The following RERE variants were observed in gnomAD, a reference collection of about 807,000 sequenced individuals.
RERE encodes the protein arginine-glutamic acid dipeptide repeats protein.
Under a neutral mutation model 146.1 loss-of-function variants are expected in RERE, and 40 were observed. That is an observed-to-expected ratio of 0.27 (90% CI 0.21 to 0.36). RERE has a LOEUF of 0.36. RERE is among the 10% of genes least tolerant of loss of function. The pLI is 1.00. For missense variants in RERE, 1,933 were observed against 2,138.7 expected, an observed-to-expected ratio of 0.90 and a Z score of 1.90; for synonymous variants, 1,003 against 866.0, an observed-to-expected ratio of 1.16 and a Z score of -2.78.
chr1:8,673,514 T>C (rs1018608085), intron 1 of RERE, among the ~76,000 whole-genome samples: 5 of 152,322 alleles, frequency 3.3e-5, no homozygotes, highest in South Asian at 2.1e-4. Context: ...TCATACCCCC[T>C]GACAATGCCT....
chr1:8,601,671 C>CAT (rs1553119507), intron 4 of RERE, among the ~76,000 whole-genome samples: 1 of 132,750 alleles, frequency 7.5e-6, no homozygotes, highest in Non-Finnish European at 1.6e-5. Flanking sequence ...CACACACACA[C>CAT]ATCTTCCTTC....
intron 12 of RERE, among the ~76,000 whole-genome samples, chr1:8,419,272 T>C (rs1643858153): frequency 6.6e-6 from 1 of 152,226 alleles, no homozygotes; most frequent in Admixed American, 6.5e-5. Flanking sequence ...TATAAACAGT[T>C]GGGTTTTCCG....
chr1:8,695,587 TAAAAAA>T (rs34953565), intron 1 of RERE, among the ~76,000 whole-genome samples: 3 of 36,728 alleles, frequency 8.2e-5, no homozygotes, highest in Non-Finnish European at 1.4e-4. Context: ...CCATTTCTAC[TAAAAAA>T]AAAAAAAAAA....
chr1:8,400,519 T>C (rs1643213003), intron 12 of RERE, among the ~76,000 whole-genome samples: 1 of 152,132 alleles, frequency 6.6e-6, no homozygotes, highest in Non-Finnish European at 1.5e-5. Flanking sequence ...CCCAAAGCAC[T>C]GAGATTATAG....
At chr1:8,460,592 T>A (rs1300997973) in intron 11 of RERE, among the ~76,000 whole-genome samples, 1 of 152,218 alleles carries the variant, frequency 6.6e-6, no homozygotes, top group African/African-American at 2.4e-5. Flanking sequence ...CAGAGCTTAT[T>A]TGTATCTAGA....
chr1:8,609,587 G>A (rs920197359), intron 4 of RERE, among the ~76,000 whole-genome samples: 1 of 152,064 alleles, frequency 6.6e-6, no homozygotes, highest in African/African-American at 2.4e-5. Flanking sequence ...CCAAAGCAGG[G>A]AAGCCACAGT....
intron 1 of RERE, among the ~76,000 whole-genome samples, chr1:8,770,036 C>T (rs1274802095): frequency 1.3e-5 from 2 of 152,094 alleles, no homozygotes; most frequent in African/African-American, 2.4e-5. Flanking sequence ...GTAATCCACC[C>T]GCTTCAGCCT....
chr1:8,774,947 CTTTCT>C (rs533985939), intron 1 of RERE, among the ~76,000 whole-genome samples: 25,812 of 110,706 alleles, frequency 0.23, 3,437 homozygotes, highest in East Asian at 0.68. Context: ...TTTCTTCTTT[CTTTCT>C]TTTTTTTTTT....
Position 8,353,678 on chromosome 1 carries a change from A to C in RERE, c.*1409T>G, listed in dbSNP as rs1025261225. 2.0e-5 allele frequency: 3 copies of C among 152,240 alleles called. No homozygotes were observed. Among genetic ancestry groups the C allele is most frequent in the Admixed American group, 2.0e-4 (3 of 15,288 alleles). 9.4% of individuals were successfully genotyped at this position (152,240 alleles called of 1,614,324 possible). A position where few individuals can be genotyped will look rare whatever the true frequency, so the allele number is the denominator to read the frequency against. On this transcript the variant is annotated 3_prime_UTR_variant, in exon 23 of 23. Transcript: ENST00000400908. ...CCGCTCAGAAGGGCCTGGCCTCCTG[A>C]GAAGCAGCCCCCACACAGCATGCTT... is the stretch of plus-strand genomic sequence containing the variant.
chr1:8,762,208 C>T (rs888028096), intron 1 of RERE, among the ~76,000 whole-genome samples: 9 of 152,138 alleles, frequency 5.9e-5, no homozygotes, highest in African/African-American at 2.2e-4. Flanking sequence ...TTGACCCTTA[C>T]CAATTTCAGC....
chr1:8,467,940 G>A (rs181987378), intron 10 of RERE, among the ~76,000 whole-genome samples: 39 of 152,176 alleles, frequency 2.6e-4, no homozygotes, highest in Middle Eastern at 3.4e-3. Flanking sequence ...CACCGCACCC[G>A]GCCCAAACAT....
At chr1:8,557,566 T>C (rs767306366) in intron 4 of RERE, 43 bp from the exon 5 acceptor site, 35 of 1,301,558 alleles carry the variant, frequency 2.7e-5, no homozygotes, top group Non-Finnish European at 3.3e-5. Flanking sequence ...GGATTTCAGG[T>C]GGCCACAAGT....
At chr1:8,647,477 A>C (rs1647370179) in intron 2 of RERE, among the ~76,000 whole-genome samples, 1 of 152,248 alleles carries the variant, frequency 6.6e-6, no homozygotes, top group Non-Finnish European at 1.5e-5. Flanking sequence ...TGTTACACAA[A>C]AATATTCTTG....
At chr1:8,500,443 C>G (rs961291050) in intron 8 of RERE, among the ~76,000 whole-genome samples, 7 of 152,240 alleles carry the variant, frequency 4.6e-5, no homozygotes, top group Non-Finnish European at 8.8e-5. Flanking sequence ...AGCTCCTGAC[C>G]GCGAGTGATC....
intron 11 of RERE, among the ~76,000 whole-genome samples, chr1:8,456,805 T>TGGA: frequency 6.6e-6 from 1 of 152,198 alleles, no homozygotes; most frequent in Non-Finnish European, 1.5e-5. Context: ...TCTGCAAGGC[T>TGGA]AGCTTCCTCA....
At chr1:8,373,391 G>GGGAT (rs1642117667) in intron 12 of RERE, among the ~76,000 whole-genome samples, 2 of 152,042 alleles carry the variant, frequency 1.3e-5, no homozygotes, top group Admixed American at 1.3e-4. Context: ...CCACGTAAAG[G>GGGAT]GGATGAAGAA....
chr1:8,427,539 T>C (rs1293229501), intron 11 of RERE, among the ~76,000 whole-genome samples: 1 of 146,034 alleles, frequency 6.8e-6, no homozygotes, highest in East Asian at 2.0e-4. Flanking sequence ...CTTCCAGAAA[T>C]AGGAATTTGA....
intron 8 of RERE, among the ~76,000 whole-genome samples, chr1:8,502,563 G>A (rs1352196972): frequency 1.4e-5 from 2 of 146,570 alleles, no homozygotes; most frequent in Admixed American, 6.7e-5. Flanking sequence ...CCCTCTGCCC[G>A]GCCACGACCC....
intron 1 of RERE, among the ~76,000 whole-genome samples, chr1:8,787,694 C>T (rs529105893): frequency 1.3e-5 from 2 of 151,526 alleles, no homozygotes; most frequent in South Asian, 4.2e-4. Context: ...AGCCAGGCGT[C>T]GTGGTGGGTG....
Sources: gnomAD v4.1 joint callset for allele counts (sites outside exome capture counted in the v4.1 genomes callset) on GRCh38, gnomAD v4.1.1 for gene constraint, MANE v1.5 for transcripts, NCBI Gene and HGNC (gene_info 2026-07-23, HGNC 2026-07-21) for gene names.